Variants in RSPH6A observed in about 807,000 individuals in gnomAD.
RSPH6A encodes the protein radial spoke head 6 homolog A, also known as radial spoke head protein 6 homolog A.
RSPH6A carries 49 observed loss-of-function variants against 66.1 expected under a neutral mutation model. That is an observed-to-expected ratio of 0.74 (90% CI 0.59 to 0.94). The LOEUF (loss-of-function observed/expected upper bound fraction) is 0.94, where lower values mean the gene tolerates loss of function less well. RSPH6A is among the 40% of genes least tolerant of loss of function. The pLI is 0.00. For synonymous variants in RSPH6A, 419 were observed against 402.4 expected, an observed-to-expected ratio of 1.04 and a Z score of -0.49; for missense variants, 977 against 948.3, an observed-to-expected ratio of 1.03 and a Z score of -0.40.
At chr19:45,814,409 A>T in intron 1 of RSPH6A, 118 bp downstream of exon 1, 1 of 901,870 alleles carries the variant, frequency 1.1e-6, no homozygotes, top group Non-Finnish European at 1.6e-6. Flanking sequence ...CAGCTGAATT[A>T]GAGTCACTGG....
intron 5 of RSPH6A, among the ~76,000 whole-genome samples, chr19:45,797,240 C>T (rs528862070): frequency 2.0e-5 from 3 of 150,582 alleles, no homozygotes; most frequent in Admixed American, 2.0e-4. Context: ...ATCAGTGGGG[C>T]GTGGTGGCAG....
At chr19:45,809,139 C>T (rs1008491950) in intron 2 of RSPH6A, among the ~76,000 whole-genome samples, 2 of 150,308 alleles carry the variant, frequency 1.3e-5, no homozygotes, top group African/African-American at 2.5e-5. Flanking sequence ...GTAGCTGGGA[C>T]TACAGGCGCC....
chr19:45,799,041 C>T (rs529262429), intron 5 of RSPH6A, among the ~76,000 whole-genome samples: 3 of 152,186 alleles, frequency 2.0e-5, no homozygotes, highest in South Asian at 2.1e-4. Context: ...CAAAAGCAAA[C>T]GTGCCTCTTC....
chr19:45,806,093 G>A (rs772431806), intron 2 of RSPH6A, among the ~76,000 whole-genome samples: 34 of 152,182 alleles, frequency 2.2e-4, no homozygotes, highest in Non-Finnish European at 3.5e-4. Flanking sequence ...TGTGACTTGA[G>A]GCCCAATGCA....
rs1163640253 is a variant in RSPH6A at position 45,815,143 on chromosome 19, C to A, written c.34G>T (p.Ala12Ser). The A allele has an allele frequency of 1.9e-6, 3 of 1,609,420 alleles. No individual in the cohort carries two copies. Among genetic ancestry groups the A allele is most frequent in the Non-Finnish European group, 2.5e-6 (3 of 1,179,558 alleles). Residue 12 changes from alanine to serine, a missense_variant, in exon 1 of 6, where the codon GCC (alanine) becomes TCC (serine). Transcript: ENST00000221538. ...GTCCTCCGGCCCGGAGGCTGCTGGGCAGGGCGCTCAGGGTAGGGCGGCAGG... is the reference window on the plus strand; with the variant it reads ...GTCCTCCGGCCCGGAGGCTGCTGGGAAGGGCGCTCAGGGTAGGGCGGCAGG... ...GDLPPYPERP[A>S]QQPPGRRTSQ...
In RSPH6A at chr19:45,800,770, ACACACT is replaced by A. The variant is rs1407655095; in HGVS notation, c.1799-213_1799-208del. 2.4e-4 allele frequency among the ~76,000 whole-genome samples: 20 copies of A among 84,288 alleles called. No individual in the cohort carries two copies. The East Asian group carries it at 5.7e-3, about 24-fold the overall frequency. 55.3% of individuals were successfully genotyped at this position (84,288 alleles called of 152,430 possible). A position where few individuals can be genotyped will look rare whatever the true frequency, so the allele number is the denominator to read the frequency against. Reference sequence around the variant, plus strand: ...CACACACACACACACACACACACACACACACTCTCTCTCTCTCTCTCGCTCTCTTTT... The same window carrying A: ...CACACACACACACACACACACACACACTCTCTCTCTCTCTCGCTCTCTTTT... On this transcript the variant is annotated intron_variant, in intron 4 of 5. Coordinates refer to ENST00000221538, the MANE Select transcript of RSPH6A (RefSeq NM_030785.4).
At chr19:45,800,638 A>C (rs976570908) in intron 4 of RSPH6A, 75 bp from the exon 5 acceptor site, 24 of 1,289,738 alleles carry the variant, frequency 1.9e-5, no homozygotes, top group Admixed American at 1.2e-4. Context: ...CCCTGAAGGA[A>C]GGAAGGCAGC....
At position 45,804,580 on chromosome 19, in the gene RSPH6A, GGCA is replaced by G; in HGVS notation, c.1322_1324del (p.Leu441del). On this transcript the variant is annotated inframe_deletion, in exon 3 of 6. Transcript: ENST00000221538. The surrounding 1 kb of genome is among the most constrained non-coding windows in gnomAD (Gnocchi z 5.8). ...CACGATCTGGGCTGGAGTGACGTGG[GGCA>G]GCCGCGTCCATGGCAGGCCCGGCTC... 1 of 1,614,200 alleles carries G rather than the reference GGCA, an allele frequency of 6.2e-7. No individual in the cohort carries two copies. The highest frequency in any genetic ancestry group is 8.5e-7 in the Non-Finnish European group (1 of 1,180,052).
At chr19:45,810,093 G>C (rs1297832459) in intron 2 of RSPH6A, among the ~76,000 whole-genome samples, 1 of 152,194 alleles carries the variant, frequency 6.6e-6, no homozygotes, top group Non-Finnish European at 1.5e-5. Context: ...AGGATGGCTT[G>C]AGGCCAAGAG....
At position 45,804,338 on chromosome 19, in the gene RSPH6A, TCTC is replaced by T; in HGVS notation, c.1564_1566del (p.Glu522del). Reference sequence around the variant, plus strand: ...ACGGGGATGCCCTCGAAGTCCGGGTTCTCCTCGTAGGAGTCGCGCCCAGCACCA... The same window carrying T: ...ACGGGGATGCCCTCGAAGTCCGGGTTCTCGTAGGAGTCGCGCCCAGCACCA... On this transcript the variant is annotated inframe_deletion, in exon 3 of 6. Transcript: ENST00000221538. This position sits in a 1 kb window ranked among gnomAD's most constrained non-coding sequence, Gnocchi z 5.8. 6.2e-7 allele frequency: 1 copy of T among 1,614,204 alleles called. No homozygotes were observed. Among genetic ancestry groups the T allele is most frequent in the Non-Finnish European group, 8.5e-7 (1 of 1,180,042 alleles).
chr19:45,797,114 C>G (rs1036098558), intron 5 of RSPH6A, among the ~76,000 whole-genome samples: 1 of 151,550 alleles, frequency 6.6e-6, no homozygotes, highest in African/African-American at 2.4e-5. Context: ...CAGTGGCTCA[C>G]GCCTGCAATC....
At chr19:45,796,369 G>C (rs1436873841) in intron 5 of RSPH6A, among the ~76,000 whole-genome samples, 1 of 151,340 alleles carries the variant, frequency 6.6e-6, no homozygotes. Flanking sequence ...GGCCAGTGTG[G>C]TCTGGAACTC....
chr19:45,796,683 T>A (rs1300837337), intron 5 of RSPH6A, among the ~76,000 whole-genome samples: 1 of 151,944 alleles, frequency 6.6e-6, no homozygotes, highest in Non-Finnish European at 1.5e-5. Flanking sequence ...CAGCTAATTT[T>A]TATATTTTTA....
At chr19:45,814,474 GGGCCCC>G in intron 1 of RSPH6A, 47 bp downstream of exon 1, 4 of 1,440,364 alleles carry the variant, frequency 2.8e-6, no homozygotes, top group Non-Finnish European at 3.7e-6. Context: ...ACTTCGGGTG[GGGCCCC>G]TCCCTGCCTG....
rs866677113 is a variant in RSPH6A, at chr19:45,811,788, T to C, written c.651-948A>G. Among the ~76,000 whole-genome samples, 455 of 130,616 alleles carry C rather than the reference T, an allele frequency of 3.5e-3. 6 individuals are homozygous for C. The highest frequency in any genetic ancestry group is 0.012 in the African/African-American group (420 of 34,496). The allele number at this position is 130,616 out of a possible 152,430, so 85.7% of individuals were successfully genotyped here. On this transcript the variant is annotated intron_variant, in intron 1 of 5. Transcript: ENST00000221538. ...ATTATTATTATTATTATTATTATTATTAGAGACAGAGTTTTGCTTTGTTGC... is the reference window on the plus strand; with the variant it reads ...ATTATTATTATTATTATTATTATTACTAGAGACAGAGTTTTGCTTTGTTGC...
intron 5 of RSPH6A, among the ~76,000 whole-genome samples, 170 bp downstream of exon 5, chr19:45,800,276 C>T (rs182426707): frequency 9.2e-5 from 14 of 152,308 alleles, no homozygotes; most frequent in Non-Finnish European, 1.6e-4. Flanking sequence ...GCTGGTATTT[C>T]CCACTTTAGC....
At chr19:45,800,678 G>C (rs1259840122) in intron 4 of RSPH6A, 115 bp from the exon 5 acceptor site, 1 of 785,614 alleles carries the variant, frequency 1.3e-6, no homozygotes. Flanking sequence ...GGCATGAGGG[G>C]AACTATAGCC....
In RSPH6A at chr19:45,815,270, C is replaced by A; in HGVS notation, c.-94G>T. 7.4e-7 allele frequency: 1 copy of A among 1,345,716 alleles called. No individual in the cohort carries two copies. The highest frequency in any genetic ancestry group is 1.5e-5 in the South Asian group (1 of 67,170). 83.4% of individuals were successfully genotyped at this position (1,345,716 alleles called of 1,614,324 possible). On this transcript the variant is annotated 5_prime_UTR_variant, in exon 1 of 6. Coordinates refer to ENST00000221538, the MANE Select transcript of RSPH6A (RefSeq NM_030785.4). Reference sequence around the variant, plus strand: ...GTCGACACCGCCGGTTTCTGAGCACCGAGAGAGGGGGCCGTTACCCGTGGA... The same window carrying A: ...GTCGACACCGCCGGTTTCTGAGCACAGAGAGAGGGGGCCGTTACCCGTGGA...
In RSPH6A at chr19:45,809,803, G is replaced by C. The variant is rs549276075; in HGVS notation, c.888+800C>G. Among the ~76,000 whole-genome samples the C allele has an allele frequency of 2.0e-5, 3 of 152,350 alleles. No homozygotes were observed. In the East Asian group the frequency reaches 5.8e-4, roughly 29 times the overall value. On this transcript the variant is annotated intron_variant, in intron 2 of 5. Transcript: ENST00000221538. ...TGCAGGTGGCATTTCAAAGCAGTGG[G>C]GGGGCAGGAAGGAATGGTTTATTGC...
Sources: allele counts gnomAD v4.1 joint callset (sites outside exome capture counted in the v4.1 genomes callset), GRCh38; gene constraint gnomAD v4.1.1; non-coding constraint Gnocchi (gnomAD v3.1); transcripts MANE v1.5; gene names NCBI Gene and HGNC (gene_info 2026-07-23, HGNC 2026-07-21).